Variants in TFPI observed in about 807,000 individuals in gnomAD.
The protein encoded by TFPI is tissue factor pathway inhibitor.
In TFPI, 15 loss-of-function variants were observed where a neutral mutation model predicts 34.6. The observed-to-expected ratio is 0.43, with a 90% CI of 0.29 to 0.67. TFPI has a LOEUF of 0.67. Ranked by LOEUF, TFPI falls within the 30% of genes least tolerant of loss-of-function variation. TFPI has a pLI of 0.15. For synonymous variants in TFPI, 105 were observed against 120.1 expected (o/e 0.87, Z 0.82); for missense variants, 301 against 364.0 (o/e 0.83, Z 1.41).
intron 3 of TFPI, among the ~76,000 whole-genome samples, chr2:187,492,403 G>A (rs889045024): frequency 1.3e-5 from 2 of 152,192 alleles, no homozygotes; most frequent in African/African-American, 2.4e-5. Flanking sequence ...TAAGGCAAGA[G>A]ACATTATTCC....
At chr2:187,537,025 C>T (rs1180571172) in intron 1 of TFPI, among the ~76,000 whole-genome samples, 3 of 152,142 alleles carry the variant, frequency 2.0e-5, no homozygotes, top group Non-Finnish European at 4.4e-5. Context: ...ATACAACTCA[C>T]AAGAGATGTG....
intron 1 of TFPI, among the ~76,000 whole-genome samples, chr2:187,538,969 A>G (rs1237745067): frequency 6.6e-6 from 1 of 152,162 alleles, no homozygotes; most frequent in African/African-American, 2.4e-5. Flanking sequence ...TAATATTTAA[A>G]CATTTGAATA....
chr2:187,532,538 G>A (rs1449019577), intron 1 of TFPI, among the ~76,000 whole-genome samples: 7 of 152,220 alleles, frequency 4.6e-5, no homozygotes, highest in Non-Finnish European at 2.9e-5. Flanking sequence ...GAAGAACAGT[G>A]CATTCTGGCC....
At chr2:187,528,860 A>T (rs1004716581) in intron 1 of TFPI, among the ~76,000 whole-genome samples, 4 of 84,938 alleles carry the variant, frequency 4.7e-5, no homozygotes, top group East Asian at 4.3e-4. Flanking sequence ...TAGTGTTGGT[A>T]AAAAAAAAAA....
chr2:187,521,695 A>T (rs1435086070), intron 1 of TFPI, among the ~76,000 whole-genome samples: 2 of 151,880 alleles, frequency 1.3e-5, no homozygotes, highest in Non-Finnish European at 2.9e-5. Context: ...CAGCATCCCG[A>T]GTAGCTGGGA....
chr2:187,543,898 A>G (rs1340078986), intron 1 of TFPI, among the ~76,000 whole-genome samples: 2 of 152,156 alleles, frequency 1.3e-5, no homozygotes, highest in Non-Finnish European at 2.9e-5. Flanking sequence ...TTGTTACTGA[A>G]GCTGCAATCT....
chr2:187,511,702 GGGCACGCAAACCA>G (rs1686645887), intron 1 of TFPI, among the ~76,000 whole-genome samples: 1 of 152,056 alleles, frequency 6.6e-6, no homozygotes, highest in Non-Finnish European at 1.5e-5. Context: ...CTGTAAGCCA[GGGCACGCAAACCA>G]GTTCCTGTAC....
chr2:187,512,920 A>T (rs1686746483), intron 1 of TFPI, among the ~76,000 whole-genome samples: 1 of 152,192 alleles, frequency 6.6e-6, no homozygotes, highest in South Asian at 2.1e-4. Flanking sequence ...GAAAGTCATG[A>T]AAGAGAAAAA....
intron 6 of TFPI, among the ~76,000 whole-genome samples, chr2:187,473,757 G>GA (rs565561705): frequency 3.8e-4 from 53 of 140,642 alleles, no homozygotes; most frequent in East Asian, 1.0e-3. Context: ...ATTCTATAAA[G>GA]AAAAAAAAAA....
chr2:187,466,879 G>A lies in TFPI; in HGVS notation c.*57C>T. 3 of 987,150 alleles carry A rather than the reference G, an allele frequency of 3.0e-6. No homozygotes were observed. The highest frequency in any genetic ancestry group is 4.4e-6 in the Non-Finnish European group (3 of 678,698). The allele number at this position is 987,150 out of a possible 1,614,324, so 61.1% of individuals were successfully genotyped here. A position where few individuals can be genotyped will look rare whatever the true frequency, so the allele number is the denominator to read the frequency against. ...TTTAGAAGAAAAATAGAAAATCATA[G>A]TGAAACATTTCATATAAAATATTTA... On this transcript the variant is annotated 3_prime_UTR_variant, in exon 8 of 8. Transcript: ENST00000233156.
intron 1 of TFPI, among the ~76,000 whole-genome samples, chr2:187,509,425 T>C: frequency 6.6e-6 from 1 of 152,194 alleles, no homozygotes; most frequent in Non-Finnish European, 1.5e-5. Flanking sequence ...ATCTGTCTGA[T>C]CCTGGGCTTT....
chr2:187,504,499 T>C (rs1271119344), intron 1 of TFPI, among the ~76,000 whole-genome samples: 7 of 150,676 alleles, frequency 4.6e-5, no homozygotes, highest in Non-Finnish European at 7.4e-5. Flanking sequence ...TCTAAAGGAA[T>C]CAGATTTCAA....
At chr2:187,493,723 G>T (rs8176467) in intron 3 of TFPI, among the ~76,000 whole-genome samples, 3 of 152,002 alleles carry the variant, frequency 2.0e-5, no homozygotes, top group African/African-American at 7.3e-5. Context: ...AACATTCCAC[G>T]AATCTCTAGG....
intron 1 of TFPI, among the ~76,000 whole-genome samples, chr2:187,539,984 C>T (rs1429726422): frequency 6.6e-6 from 1 of 151,454 alleles, no homozygotes; most frequent in African/African-American, 2.4e-5. Context: ...CTGCAACTTC[C>T]GCCTCCCGGG....
At chr2:187,529,200 C>G (rs1687833643) in intron 1 of TFPI, among the ~76,000 whole-genome samples, 1 of 152,176 alleles carries the variant, frequency 6.6e-6, no homozygotes, top group African/African-American at 2.4e-5. Context: ...CTTTTATTTG[C>G]TATCACTTCC....
At chr2:187,542,006 G>T (rs375483958) in intron 1 of TFPI, among the ~76,000 whole-genome samples, 74 of 152,198 alleles carry the variant, frequency 4.9e-4, no homozygotes, top group African/African-American at 1.6e-3. Context: ...ATATTTTAGC[G>T]TGAGGGGGCA....
At chr2:187,531,061 G>A (rs1376002600) in intron 1 of TFPI, among the ~76,000 whole-genome samples, 1 of 152,010 alleles carries the variant, frequency 6.6e-6, no homozygotes. Flanking sequence ...CTCATAAAAT[G>A]TATTCTCAAA....
At chr2:187,498,535 T>C (rs527675199) in intron 2 of TFPI, among the ~76,000 whole-genome samples, 2 of 151,882 alleles carry the variant, frequency 1.3e-5, no homozygotes, top group Non-Finnish European at 3.0e-5. Context: ...GATACAGCTT[T>C]CTATACATAA....
intron 1 of TFPI, among the ~76,000 whole-genome samples, chr2:187,528,242 T>C (rs16829089): frequency 7.2e-5 from 11 of 152,100 alleles, no homozygotes; most frequent in African/African-American, 1.2e-4. Context: ...ACCTGGAGAA[T>C]TGCCTCTCAC....
Sources: allele counts gnomAD v4.1 joint callset (sites outside exome capture counted in the v4.1 genomes callset), GRCh38; gene constraint gnomAD v4.1.1; transcripts MANE v1.5; gene names NCBI Gene and HGNC (gene_info 2026-07-23, HGNC 2026-07-21).